The following PKHD1 variants were observed in gnomAD, a reference collection of about 807,000 sequenced individuals.
PKHD1 encodes the protein fibrocystin.
A neutral mutation model predicts 412.0 loss-of-function variants in PKHD1; 291 were observed. The ratio of observed to expected loss-of-function variants is 0.71; its 90% CI spans 0.64 to 0.78. The LOEUF is 0.78. Ranked by LOEUF, PKHD1 falls within the 30% of genes least tolerant of loss-of-function variation. The pLI, the probability that PKHD1 is intolerant of heterozygous loss-of-function variation, is 0.00. For synonymous variants in PKHD1, 1,777 were observed against 1,821.5 expected (o/e 0.98, Z 0.62); for missense variants, 4,825 against 4,950.7 (o/e 0.97, Z 0.76).
At chr6:51,639,100 T>G (rs1348550384) in intron 63 of PKHD1, 144 bp from the exon 64 acceptor site, 5 of 718,020 alleles carry the variant, frequency 7.0e-6, no homozygotes, top group Non-Finnish European at 1.0e-5. Flanking sequence ...CAGGTTCTTC[T>G]TAGTCAAGAC....
chr6:52,045,904 T>C (rs1409683716), intron 24 of PKHD1, 100 bp downstream of exon 24: 2 of 835,766 alleles, frequency 2.4e-6, no homozygotes, highest in Non-Finnish European at 4.0e-6. Context: ...ACAAAATTAA[T>C]AATTCATGAC....
intron 29 of PKHD1, among the ~76,000 whole-genome samples, chr6:52,029,560 C>T (rs971650568): frequency 6.6e-6 from 1 of 152,082 alleles, no homozygotes; most frequent in East Asian, 1.9e-4. Context: ...ATGGAATGGG[C>T]AAGATGAGAG....
At chr6:51,639,849 T>C (rs1386923000) in intron 63 of PKHD1, among the ~76,000 whole-genome samples, 1 of 152,236 alleles carries the variant, frequency 6.6e-6, no homozygotes, top group East Asian at 1.9e-4. Flanking sequence ...AAGGCTGAAA[T>C]GTGTCATAAA....
chr6:52,075,610 C>T (rs1230745485), intron 6 of PKHD1, among the ~76,000 whole-genome samples: 1 of 152,084 alleles, frequency 6.6e-6, no homozygotes, highest in Admixed American at 6.6e-5. Context: ...CTTTTCTATC[C>T]TCCTGGCTTT....
intron 60 of PKHD1, among the ~76,000 whole-genome samples, chr6:51,724,637 G>A (rs1782343932): frequency 6.6e-6 from 1 of 152,098 alleles, no homozygotes; most frequent in South Asian, 2.1e-4. Context: ...GTGTATGTTA[G>A]TCTGAATAAT....
At chr6:51,996,008 A>AT (rs546863128) in intron 35 of PKHD1, among the ~76,000 whole-genome samples, 14,328 of 143,244 alleles carry the variant, frequency 0.1, 672 homozygotes, top group South Asian at 0.13. Flanking sequence ...AAGAACGGCA[A>AT]TTTTTTTTTT....
chr6:52,054,092 T>C lies in PKHD1; in HGVS notation c.1910A>G (p.Asn637Ser), dbSNP rs773436208. 4 of 1,613,932 alleles carry C rather than the reference T, an allele frequency of 2.5e-6. No homozygotes were observed. In the African/African-American group the frequency reaches 5.3e-5, roughly 22 times the overall value. ...MIVSFTIGFQ[N>S]MVKNTTCDWS... ...GTCACAGGTGGTATTCTTTACCATG[T>C]TTTGAAAGCCGATTGTGAAGGACAC... Residue 637 changes from asparagine (N) to serine (S), a missense_variant, in exon 20 of 67, where the codon AAC (asparagine) becomes AGC (serine). Coordinates refer to ENST00000371117, the MANE Select transcript of PKHD1 (RefSeq NM_138694.4).
chr6:51,982,159 G>A (rs1267318603), intron 35 of PKHD1, among the ~76,000 whole-genome samples: 15 of 35,806 alleles, frequency 4.2e-4, no homozygotes, highest in Non-Finnish European at 6.2e-4. Flanking sequence ...GTCTCCGCCC[G>A]GCAGCCACCC....
intron 55 of PKHD1, among the ~76,000 whole-genome samples, chr6:51,755,857 A>T (rs2766126): frequency 0.036 from 5,438 of 152,216 alleles, 267 homozygotes; most frequent in African/African-American, 0.11. Context: ...AGTAGATGCT[A>T]GAGACATACG....
chr6:51,718,516 A>T (rs1318121174), intron 60 of PKHD1, among the ~76,000 whole-genome samples: 10 of 152,234 alleles, frequency 6.6e-5, no homozygotes, highest in Non-Finnish European at 1.5e-4. Flanking sequence ...GGTACATAGA[A>T]ATATTTAGAA....
At chr6:52,057,652 T>A (rs1807969892) in intron 16 of PKHD1, among the ~76,000 whole-genome samples, 2 of 152,210 alleles carry the variant, frequency 1.3e-5, no homozygotes, top group South Asian at 4.1e-4. Context: ...CTTGACCTTG[T>A]GATCAGCCCG....
intron 60 of PKHD1, among the ~76,000 whole-genome samples, chr6:51,696,777 C>A: frequency 6.6e-6 from 1 of 152,056 alleles, no homozygotes; most frequent in Non-Finnish European, 1.5e-5. Context: ...CCAGAAACTA[C>A]GTGTGTCATT....
At chr6:51,700,066 A>C (rs1442236935) in intron 60 of PKHD1, among the ~76,000 whole-genome samples, 1 of 151,984 alleles carries the variant, frequency 6.6e-6, no homozygotes, top group Non-Finnish European at 1.5e-5. Context: ...GATCAATTCT[A>C]GGTACATCTC....
intron 52 of PKHD1, among the ~76,000 whole-genome samples, chr6:51,813,266 G>A (rs1028470523): frequency 6.6e-6 from 1 of 152,120 alleles, no homozygotes; most frequent in African/African-American, 2.4e-5. Flanking sequence ...CAAACATGGT[G>A]CCAATGTCAC....
Position 51,659,896 on chromosome 6 carries a change from T to G in PKHD1, c.10230A>C (p.Gln3410His), listed in dbSNP as rs1349645712. ...CAGCGCTATCAAGAATTAGGACCAC[T>G]TGGTCAGTCTGTTTGCAGATGAATC... ...MQGFICKQTD[Q>H]VVLILDSADA... is the part of the protein sequence containing the mutation. Residue 3410 changes from glutamine (Q) to histidine (H), a missense_variant, in exon 61 of 67, where the codon CAA (glutamine) becomes CAC (histidine). By Grantham distance (24) the Gln-to-His change is conservative. Transcript: ENST00000371117. 1.9e-6 allele frequency: 3 copies of G among 1,612,946 alleles called. No homozygotes were observed. The highest frequency in any genetic ancestry group is 2.5e-6 in the Non-Finnish European group (3 of 1,179,130).
At chr6:52,072,774 C>A (rs1015451477) in intron 7 of PKHD1, among the ~76,000 whole-genome samples, 1 of 152,160 alleles carries the variant, frequency 6.6e-6, no homozygotes, top group South Asian at 2.1e-4. Flanking sequence ...TGTATGGAAT[C>A]TATGCAGCTG....
chr6:51,681,361 C>T (rs1013471576), intron 60 of PKHD1, among the ~76,000 whole-genome samples: 10 of 152,040 alleles, frequency 6.6e-5, no homozygotes, highest in African/African-American at 2.4e-4. Flanking sequence ...TAAACACAGG[C>T]CTTAGCAATG....
At chr6:51,715,209 A>G (rs1781115250) in intron 60 of PKHD1, among the ~76,000 whole-genome samples, 1 of 152,080 alleles carries the variant, frequency 6.6e-6, no homozygotes, top group Admixed American at 6.6e-5. Flanking sequence ...TAGGCAGAAC[A>G]GTTATTATCA....
intron 34 of PKHD1, among the ~76,000 whole-genome samples, chr6:52,013,016 G>A (rs946932542): frequency 6.6e-6 from 1 of 152,074 alleles, no homozygotes; most frequent in African/African-American, 2.4e-5. Context: ...CATCACCTCT[G>A]TTATGTGACC....
Sources: gnomAD v4.1 joint callset for allele counts (sites outside exome capture counted in the v4.1 genomes callset) on GRCh38, gnomAD v4.1.1 for gene constraint, MANE v1.5 for transcripts, NCBI Gene and HGNC (gene_info 2026-07-23, HGNC 2026-07-21) for gene names.